TMPRSS15: variants seen among roughly 807,000 people sequenced by gnomAD.
The protein encoded by TMPRSS15 is transmembrane serine protease 15, also known as enteropeptidase.
TMPRSS15 carries 128 observed loss-of-function variants against 125.3 expected under a neutral mutation model. That is an observed-to-expected ratio of 1.02 (90% CI 0.89 to 1.18). The LOEUF (loss-of-function observed/expected upper bound fraction) is 1.18. Ranked by LOEUF, TMPRSS15 falls within the 50% of genes most tolerant of loss-of-function variation. The pLI, the probability that TMPRSS15 is intolerant of heterozygous loss-of-function variation, is 0.00. For missense variants in TMPRSS15, 1,283 were observed against 1,212.7 expected (o/e 1.06, Z -0.86); for synonymous variants, 446 against 423.2 (o/e 1.05, Z -0.66).
chr21:18,438,401 C>T (rs1225180317), intron 1 of TMPRSS15, among the ~76,000 whole-genome samples: 1 of 151,706 alleles, frequency 6.6e-6, no homozygotes, highest in East Asian at 1.9e-4. Flanking sequence ...GGGTGCAGCA[C>T]ACCAGCATGG....
chr21:18,373,055 A>G (rs2075808569), intron 5 of TMPRSS15, among the ~76,000 whole-genome samples: 1 of 152,204 alleles, frequency 6.6e-6, no homozygotes, highest in Non-Finnish European at 1.5e-5. Context: ...ATATAACAAC[A>G]ATGATGGTGA....
rs149317550 is a variant in TMPRSS15, at chr21:18,408,941, G to A, written c.11-10612C>T. 6.7e-3 allele frequency among the ~76,000 whole-genome samples: 1,011 copies of A among 152,004 alleles called. 7 individuals carry two copies. Among genetic ancestry groups the A allele is most frequent in the South Asian group, 0.018 (85 of 4,806 alleles). On this transcript the variant is annotated intron_variant, in intron 1 of 7. Coordinates refer to the TMPRSS15 transcript ENST00000422787. ...AAAATAAAAGAGTTATAGTTGTAAC[G>A]ATCAATTCAATTTTAATTGAGTATG...
intron 1 of TMPRSS15, among the ~76,000 whole-genome samples, chr21:18,455,023 A>G (rs1352785487): frequency 6.6e-6 from 1 of 152,064 alleles, no homozygotes; most frequent in African/African-American, 2.4e-5. Context: ...GAAGTAACTG[A>G]ATCATGGGGG....
chr21:18,392,287 C>A (rs2075997430), intron 3 of TMPRSS15, among the ~76,000 whole-genome samples: 1 of 152,172 alleles, frequency 6.6e-6, no homozygotes, highest in East Asian at 1.9e-4. Context: ...TACTCTGTCA[C>A]CTGTTGAAAA....
At chr21:18,397,010 C>T (rs1046311429) in intron 3 of TMPRSS15, among the ~76,000 whole-genome samples, 1 of 151,966 alleles carries the variant, frequency 6.6e-6, no homozygotes, top group African/African-American at 2.4e-5. Context: ...GCTCTCTTCC[C>T]TTTTTCAGCT....
intron 13 of TMPRSS15, among the ~76,000 whole-genome samples, chr21:18,333,455 C>T (rs1226720615): frequency 6.6e-6 from 1 of 152,020 alleles, no homozygotes; most frequent in Non-Finnish European, 1.5e-5. Flanking sequence ...AAAATGTTTA[C>T]TTAAAATAAA....
chr21:18,344,129 T>G, intron 10 of TMPRSS15, 69 bp from the exon 11 acceptor site: 5 of 1,315,664 alleles, frequency 3.8e-6, no homozygotes, highest in Non-Finnish European at 5.5e-6. Flanking sequence ...AAGTAGACTT[T>G]GTAAGCAGGA....
At chr21:18,369,682 C>G (rs548797235) in intron 6 of TMPRSS15, among the ~76,000 whole-genome samples, 1 of 152,038 alleles carries the variant, frequency 6.6e-6, no homozygotes, top group African/African-American at 2.4e-5. Flanking sequence ...AGGTAAACTT[C>G]ATATTGGAAA....
At position 18,353,714 on chromosome 21, in the gene TMPRSS15, A is replaced by G; in HGVS notation, c.1021+9T>C. 1.9e-6 allele frequency: 3 copies of G among 1,607,180 alleles called. No homozygotes were observed. Among genetic ancestry groups the G allele is most frequent in the South Asian group, 1.1e-5 (1 of 89,772 alleles). On this transcript the variant is annotated intron_variant, in intron 9 of 24. Transcript: ENST00000284885. ...AAAATTAAAAAGCCAAAAAATAAATAATACTTACTATTAAGCTCACTGCTG... is the reference window on the plus strand; with the variant it reads ...AAAATTAAAAAGCCAAAAAATAAATGATACTTACTATTAAGCTCACTGCTG...
intron 18 of TMPRSS15, among the ~76,000 whole-genome samples, chr21:18,298,194 A>T (rs750435634): frequency 8.5e-5 from 13 of 152,242 alleles, no homozygotes; most frequent in Non-Finnish European, 1.5e-4. Context: ...GCTTTGAATG[A>T]CAATTTCCCA....
chr21:18,348,689 C>T (rs943820744), intron 10 of TMPRSS15, among the ~76,000 whole-genome samples: 3 of 151,974 alleles, frequency 2.0e-5, no homozygotes, highest in African/African-American at 7.3e-5. Flanking sequence ...AGTTTATATG[C>T]TAAGTTAAAT....
intron 3 of TMPRSS15, among the ~76,000 whole-genome samples, chr21:18,391,456 TA>T (rs1231005187): frequency 4.6e-5 from 7 of 152,176 alleles, no homozygotes; most frequent in African/African-American, 1.7e-4. Context: ...GGGCAGTCAT[TA>T]AATCTTAAAG....
chr21:18,290,177 G>C (rs1467903073), intron 21 of TMPRSS15, among the ~76,000 whole-genome samples: 2 of 152,112 alleles, frequency 1.3e-5, no homozygotes, highest in African/African-American at 4.8e-5. Context: ...ACAAGGTTAG[G>C]ATTTATCCTG....
At chr21:18,343,410 TC>T in intron 12 of TMPRSS15, 95 bp downstream of exon 12, 2 of 1,187,108 alleles carry the variant, frequency 1.7e-6, no homozygotes, top group Non-Finnish European at 2.4e-6. Flanking sequence ...TTGATTATCT[TC>T]AGAAAATACA....
chr21:18,275,182 GTTTTACA>G lies in TMPRSS15; in HGVS notation c.2904+8_2904+14del. On this transcript the variant is annotated splice_region_variant and intron_variant, in intron 24 of 24. Coordinates refer to ENST00000284885, the MANE Select transcript of TMPRSS15 (RefSeq NM_002772.3). Reference sequence around the variant, plus strand: ...GCTTTCTGAAAAGGTACAGTGAGCAGTTTTACATCTTTACCTGACAAGAATCTATTCC... The same window carrying G: ...GCTTTCTGAAAAGGTACAGTGAGCAGTCTTTACCTGACAAGAATCTATTCC... The G allele has an allele frequency of 6.2e-7, 1 of 1,613,366 alleles. No individual in the cohort carries two copies. The highest frequency in any genetic ancestry group is 1.1e-5 in the South Asian group (1 of 91,054).
chr21:18,279,152 A>G, intron 22 of TMPRSS15, 93 bp from the exon 23 acceptor site: 1 of 723,878 alleles, frequency 1.4e-6, no homozygotes, highest in Non-Finnish European at 2.4e-6. Context: ...AATCAATAAC[A>G]GTTAATCTAA....
Position 18,294,265 on chromosome 21 carries a change from C to G in TMPRSS15, c.2486+5G>C, listed in dbSNP as rs1165750683. ...TTGGGAAGGGACACTTGACATCACACTCACCCATACACGCAGTGTGCGGCG... is the reference window on the plus strand; with the variant it reads ...TTGGGAAGGGACACTTGACATCACAGTCACCCATACACGCAGTGTGCGGCG... On this transcript the variant is annotated splice_donor_5th_base_variant and intron_variant, in intron 21 of 24. Transcript: ENST00000284885. 1 of 1,614,098 alleles carries G rather than the reference C, an allele frequency of 6.2e-7. No homozygotes were observed. The highest frequency in any genetic ancestry group is 1.1e-5 in the South Asian group (1 of 91,078).
intron 3 of TMPRSS15, among the ~76,000 whole-genome samples, chr21:18,393,004 C>G (rs1489376497): frequency 6.6e-6 from 1 of 152,082 alleles, no homozygotes; most frequent in Non-Finnish European, 1.5e-5. Context: ...AGTGGGGACA[C>G]AGAGCCATAT....
intron 21 of TMPRSS15, 93 bp downstream of exon 21, chr21:18,294,177 G>A: frequency 6.9e-7 from 1 of 1,439,150 alleles, no homozygotes; most frequent in Non-Finnish European, 9.7e-7. Flanking sequence ...TTTCCCTGGT[G>A]GGATGGTTTT....
Sources: allele counts gnomAD v4.1 joint callset (sites outside exome capture counted in the v4.1 genomes callset), GRCh38; gene constraint gnomAD v4.1.1; transcripts MANE v1.5; gene names NCBI Gene and HGNC (gene_info 2026-07-23, HGNC 2026-07-21).